Variants in PTPRD observed in about 807,000 individuals in gnomAD.
PTPRD encodes the protein protein tyrosine phosphatase receptor type D.
In PTPRD, 34 loss-of-function variants were observed where a neutral mutation model predicts 214.5. The ratio of observed to expected loss-of-function variants is 0.16; its 90% CI spans 0.12 to 0.21. PTPRD has a LOEUF of 0.21. PTPRD is among the 10% of genes least tolerant of loss of function. PTPRD has a pLI of 1.00. For missense variants in PTPRD, 2,545 were observed against 2,398.7 expected (o/e 1.06, Z -1.27); for synonymous variants, 1,128 against 845.7 (o/e 1.33, Z -5.79).
chr9:10,024,296 C>T (rs752958596), intron 4 of PTPRD, among the ~76,000 whole-genome samples: 40 of 152,218 alleles, frequency 2.6e-4, no homozygotes, highest in Admixed American at 4.6e-4. Context: ...ATTCTAGCTG[C>T]TTCTGAACCA....
chr9:9,194,419 T>A (rs932947942), intron 9 of PTPRD, among the ~76,000 whole-genome samples: 1 of 152,160 alleles, frequency 6.6e-6, no homozygotes, highest in Non-Finnish European at 1.5e-5. Context: ...GTGCTCTACT[T>A]TTATAAAACT....
intron 2 of PTPRD, among the ~76,000 whole-genome samples, chr9:10,611,537 A>C (rs2080968179): frequency 6.6e-6 from 1 of 152,210 alleles, no homozygotes; most frequent in Non-Finnish European, 1.5e-5. Context: ...TTTTGTAGAA[A>C]GAAGAGTGTC....
At chr9:10,227,670 T>C (rs2099593430) in intron 3 of PTPRD, among the ~76,000 whole-genome samples, 1 of 152,022 alleles carries the variant, frequency 6.6e-6, no homozygotes, top group South Asian at 2.1e-4. Flanking sequence ...TTACTTCTGA[T>C]TCTCAGCGAC....
intron 11 of PTPRD, among the ~76,000 whole-genome samples, chr9:8,811,530 G>A (rs2096803244): frequency 6.6e-6 from 1 of 152,092 alleles, no homozygotes; most frequent in African/African-American, 2.4e-5. Context: ...GCCCAATCGG[G>A]AAACAGTCCT....
At chr9:9,181,126 T>G (rs573422991) in intron 10 of PTPRD, among the ~76,000 whole-genome samples, 1 of 152,038 alleles carries the variant, frequency 6.6e-6, no homozygotes, top group Non-Finnish European at 1.5e-5. Context: ...CAGTTTCTTT[T>G]GTAATGGGAT....
intron 9 of PTPRD, among the ~76,000 whole-genome samples, chr9:9,253,736 C>G (rs989614490): frequency 6.6e-6 from 1 of 152,084 alleles, no homozygotes; most frequent in Non-Finnish European, 1.5e-5. Flanking sequence ...ATTTGTTGAG[C>G]TTCACTGATT....
chr9:9,768,849 C>T (rs1315670932), intron 5 of PTPRD, among the ~76,000 whole-genome samples: 2 of 152,112 alleles, frequency 1.3e-5, no homozygotes, highest in Admixed American at 6.5e-5. Flanking sequence ...GTGGTACGAA[C>T]GTAATCAGGG....
intron 14 of PTPRD, among the ~76,000 whole-genome samples, chr9:8,563,063 A>T (rs2087108202): frequency 6.6e-6 from 1 of 152,218 alleles, no homozygotes; most frequent in South Asian, 2.1e-4. Flanking sequence ...AAATAATAAT[A>T]AACTACTGAT....
chr9:8,891,005 T>C (rs181231109), intron 11 of PTPRD, among the ~76,000 whole-genome samples: 27 of 152,260 alleles, frequency 1.8e-4, no homozygotes, highest in Admixed American at 5.9e-4. Flanking sequence ...AAGTAAGTCA[T>C]GGGGTTTTTG....
At chr9:9,070,749 AT>A (rs1279149684) in intron 10 of PTPRD, among the ~76,000 whole-genome samples, 1 of 152,182 alleles carries the variant, frequency 6.6e-6, no homozygotes, top group Non-Finnish European at 1.5e-5. Flanking sequence ...AATCTTAATA[AT>A]TTTTTAGTTC....
At chr9:9,480,743 A>T (rs1332192) in intron 8 of PTPRD, among the ~76,000 whole-genome samples, 1 of 151,920 alleles carries the variant, frequency 6.6e-6, no homozygotes, top group East Asian at 1.9e-4. Flanking sequence ...AGGATGCAAT[A>T]GTCTTGATAA....
chr9:10,445,534 T>C (rs963728592), intron 2 of PTPRD, among the ~76,000 whole-genome samples: 4 of 151,922 alleles, frequency 2.6e-5, no homozygotes, highest in Non-Finnish European at 5.9e-5. Flanking sequence ...ATATAGAAGA[T>C]CTATGCATAC....
chr9:8,798,224 T>G (rs748864268), intron 11 of PTPRD, among the ~76,000 whole-genome samples: 1 of 152,196 alleles, frequency 6.6e-6, no homozygotes, highest in African/African-American at 2.4e-5. Flanking sequence ...ATACATTAGA[T>G]CTTTAAATAA....
chr9:8,709,866 T>G (rs2098293289), intron 12 of PTPRD, among the ~76,000 whole-genome samples: 1 of 152,126 alleles, frequency 6.6e-6, no homozygotes, highest in Non-Finnish European at 1.5e-5. Context: ...TTAAGTGCAA[T>G]AAAGATGGGC....
chr9:8,393,054 G>T (rs1468201210), intron 36 of PTPRD, among the ~76,000 whole-genome samples: 1 of 152,046 alleles, frequency 6.6e-6, no homozygotes, highest in East Asian at 1.9e-4. Context: ...CAAATGTTTT[G>T]GTGCCATGAA....
chr9:10,062,962 T>C (rs2097801366), intron 3 of PTPRD, among the ~76,000 whole-genome samples: 1 of 152,042 alleles, frequency 6.6e-6, no homozygotes, highest in Non-Finnish European at 1.5e-5. Flanking sequence ...GTAGGTACCA[T>C]GAGAACATTT....
At chr9:8,863,614 G>C (rs2098143998) in intron 11 of PTPRD, among the ~76,000 whole-genome samples, 1 of 152,050 alleles carries the variant, frequency 6.6e-6, no homozygotes, top group Non-Finnish European at 1.5e-5. Flanking sequence ...TATTGGTTTT[G>C]TTTTTTCATT....
At chr9:10,562,810 T>G (rs1410520592) in intron 2 of PTPRD, among the ~76,000 whole-genome samples, 1 of 152,164 alleles carries the variant, frequency 6.6e-6, no homozygotes, top group Non-Finnish European at 1.5e-5. Context: ...GTCATGTGAC[T>G]ATAAGCACAT....
chr9:9,128,020 C>G (rs2099836719), intron 10 of PTPRD, among the ~76,000 whole-genome samples: 2 of 152,022 alleles, frequency 1.3e-5, no homozygotes, highest in Non-Finnish European at 2.9e-5. Flanking sequence ...TATTTAGGCT[C>G]TAAAATAAAT....
Sources: allele counts gnomAD v4.1 joint callset (sites outside exome capture counted in the v4.1 genomes callset), GRCh38; gene constraint gnomAD v4.1.1; transcripts MANE v1.5; gene names NCBI Gene and HGNC (gene_info 2026-07-23, HGNC 2026-07-21).